PCDHB14: variants seen among roughly 807,000 people sequenced by gnomAD.
PCDHB14 encodes the protein protocadherin beta 14, also known as protocadherin beta-14.
For missense variants in PCDHB14, 1,129 were observed against 1,000.5 expected, an observed-to-expected ratio of 1.13 and a Z score of -1.73; for synonymous variants, 511 against 441.5, an observed-to-expected ratio of 1.16 and a Z score of -1.97.
Position 141,223,372 on chromosome 5 carries a change from G to A in PCDHB14, c.-134G>A, listed in dbSNP as rs566736643. 3 of 654,236 alleles carry A rather than the reference G, an allele frequency of 4.6e-6. No individual in the cohort carries two copies. The highest frequency in any genetic ancestry group is 5.4e-5 in the East Asian group (2 of 37,342). The allele number at this position is 654,236 out of a possible 1,614,324, so 40.5% of individuals were successfully genotyped here. Reference sequence around the variant, plus strand: ...AGCATCCAACCCACTGAAAAGACAGGCATTAAAGGAGCTTCGCCTACAGAG... The same window carrying A: ...AGCATCCAACCCACTGAAAAGACAGACATTAAAGGAGCTTCGCCTACAGAG... On this transcript the variant is annotated 5_prime_UTR_variant, in exon 1 of 1. Coordinates refer to ENST00000239449, the MANE Select transcript of PCDHB14 (RefSeq NM_018934.4).
Position 141,225,874 on chromosome 5 carries a change from G to A in PCDHB14, c.2369G>A (p.Arg790Gln). 6.2e-7 allele frequency: 1 copy of A among 1,613,702 alleles called. No individual in the cohort carries two copies. The highest frequency in any genetic ancestry group is 8.5e-7 in the Non-Finnish European group (1 of 1,179,830). The change falls in exon 1 of 1, where the codon CGA becomes CAA. Residue 790 changes from arginine (R) to glutamine (Q), a missense_variant. Coordinates refer to ENST00000239449, the MANE Select transcript of PCDHB14 (RefSeq NM_018934.4). ...GRNMGEIENFRNSFGLNIQ is the reference protein window; with the variant it reads ...GRNMGEIENFQNSFGLNIQ ...AATATGGGGGAAATCGAGAACTTTC[G>A]AAATAGCTTTGGACTTAACATTCAA...
Position 141,224,262 on chromosome 5 carries a change from G to A in PCDHB14, c.757G>A (p.Glu253Lys). Residue 253 changes from glutamate (E) to lysine (K), a missense_variant, in exon 1 of 1, where the codon GAG (glutamate) becomes AAG (lysine). Coordinates refer to ENST00000239449, the MANE Select transcript of PCDHB14 (RefSeq NM_018934.4). ...GAGTCTCTATGAGGTGCAAGTCCCC[G>A]AGGACAGACCCCTTGGCTCCTGGAT... is the stretch of plus-strand genomic sequence containing the variant. ...PQSLYEVQVP[E>K]DRPLGSWIAT... is the part of the protein sequence containing the mutation. 1.9e-6 allele frequency: 3 copies of A among 1,613,946 alleles called. No homozygotes were observed. The highest frequency in any genetic ancestry group is 2.5e-6 in the Non-Finnish European group (3 of 1,179,946).
Position 141,225,787 on chromosome 5 carries a change from C to G in PCDHB14, c.2282C>G (p.Thr761Arg). Residue 761 changes from threonine to arginine, a missense_variant, in exon 1 of 1, where the codon ACA becomes AGA. Coordinates refer to ENST00000239449, the MANE Select transcript of PCDHB14 (RefSeq NM_018934.4). ...GTGTGTCTGACAGGAGGTTCCGGGA[C>G]AAATGAGTTCAAATTTCTGAAGCCG... ...YEVCLTGGSG[T>R]NEFKFLKPII... The G allele has an allele frequency of 6.2e-7, 1 of 1,614,198 alleles. No individual in the cohort carries two copies. Among genetic ancestry groups the G allele is most frequent in the Non-Finnish European group, 8.5e-7 (1 of 1,180,040 alleles).
Position 141,223,762 on chromosome 5 carries a change from T to C in PCDHB14, c.257T>C (p.Leu86Pro). The change falls in exon 1 of 1, where the codon CTA becomes CCA. Residue 86 changes from leucine to proline, a missense_variant. Coordinates refer to ENST00000239449, the MANE Select transcript of PCDHB14 (RefSeq NM_018934.4). ...GATTTGCTGACTGGGAATTTGCTCCTAAATGAGAAACTAGACCGAGACGAG... is the reference window on the plus strand; with the variant it reads ...GATTTGCTGACTGGGAATTTGCTCCCAAATGAGAAACTAGACCGAGACGAG... ...HLDLLTGNLL[L>P]NEKLDRDELC... The C allele has an allele frequency of 6.2e-7, 1 of 1,614,166 alleles. No individual in the cohort carries two copies. Among genetic ancestry groups the C allele is most frequent in the Non-Finnish European group, 8.5e-7 (1 of 1,180,022 alleles).
At position 141,224,975 on chromosome 5, in the gene PCDHB14, G is replaced by C; in HGVS notation, c.1470G>C (p.Leu490=). 6.2e-7 allele frequency: 1 copy of C among 1,612,598 alleles called. No homozygotes were observed. The highest frequency in any genetic ancestry group is 8.5e-7 in the Non-Finnish European group (1 of 1,180,032). The change falls in exon 1 of 1, where the codon CTG becomes CTC. Residue 490 remains leucine (L), a synonymous_variant. Transcript: ENST00000239449. The stretch of plus-strand genomic sequence containing the variant: ...CCAACGCCCAGGTCAACTACTCGCT[G>C]CTGCCGCCCCAGGACCGGCACCTGC... ...SGTNAQVNYS[L]LPPQDRHLPL...
chr5:141,225,083 G>A lies in PCDHB14; in HGVS notation c.1578G>A (p.Glu526=), dbSNP rs782199750. The A allele has an allele frequency of 2.5e-6, 4 of 1,612,334 alleles. No homozygotes were observed. Among genetic ancestry groups the A allele is most frequent in the African/African-American group, 2.7e-5 (2 of 75,016 alleles). Residue 526 remains glutamate (E), a synonymous_variant, in exon 1 of 1, where the codon GAG becomes GAA. Coordinates refer to ENST00000239449, the MANE Select transcript of PCDHB14 (RefSeq NM_018934.4). ...CGCTGGACTACGAGGCCCTACAGGA[G>A]TTCGAGTTTCGCGTGGGCGCCACAG... ...LRSLDYEALQ[E]FEFRVGATDR...
At position 141,224,339 on chromosome 5, in the gene PCDHB14, T is replaced by A; in HGVS notation, c.834T>A (p.Ser278=). The A allele has an allele frequency of 1.2e-6, 2 of 1,612,692 alleles. No individual in the cohort carries two copies. The highest frequency in any genetic ancestry group is 4.5e-5 in the East Asian group (2 of 44,890). The stretch of plus-strand genomic sequence containing the variant: ...ATGCAGGAAACTATGGAAAAATATC[T>A]TACACATTTTTCCATGCATCAGAAG... The part of the protein sequence containing the change: ...DLDAGNYGKI[S]YTFFHASEDI... The change falls in exon 1 of 1, where the codon TCT becomes TCA. Residue 278 remains serine, a synonymous_variant. Transcript: ENST00000239449.
chr5:141,225,917 A>G lies in PCDHB14; in HGVS notation c.*15A>G. 1 of 1,581,402 alleles carries G rather than the reference A, an allele frequency of 6.3e-7. No homozygotes were observed. Among genetic ancestry groups the G allele is most frequent in the Non-Finnish European group, 8.6e-7 (1 of 1,163,072 alleles). ...ACATTCAATAAAACAATTTATTTTA[A>G]ATGTCTAATTTTTGGTTATTCTTGG... is the stretch of plus-strand genomic sequence containing the variant. On this transcript the variant is annotated 3_prime_UTR_variant, in exon 1 of 1. Coordinates refer to ENST00000239449, the MANE Select transcript of PCDHB14 (RefSeq NM_018934.4).
rs1157139664 is a variant in PCDHB14, at chr5:141,225,431, G to A, written c.1926G>A (p.Val642=). The A allele has an allele frequency of 2.5e-6, 4 of 1,604,196 alleles. No individual in the cohort carries two copies. Among genetic ancestry groups the A allele is most frequent in the Non-Finnish European group, 3.4e-6 (4 of 1,179,338 alleles). ...ACGCGGCCAAGCACAGGCTGGTGGT[G>A]CTGGTCAAGGACAATGGCGAGCCTC... ...ERDAAKHRLV[V]LVKDNGEPPR... is the part of the protein sequence containing the mutation. The change falls in exon 1 of 1, where the codon GTG becomes GTA. Residue 642 remains valine, a synonymous_variant. Transcript: ENST00000239449.
At position 141,225,815 on chromosome 5, in the gene PCDHB14, T is replaced by A. The variant is rs1754848378; in HGVS notation, c.2310T>A (p.Ile770=). Residue 770 remains isoleucine (I), a synonymous_variant, in exon 1 of 1, where the codon ATT becomes ATA. Coordinates refer to ENST00000239449, the MANE Select transcript of PCDHB14 (RefSeq NM_018934.4). The part of the protein sequence containing the change: ...GTNEFKFLKP[I]IPNFQVHDTG... The stretch of plus-strand genomic sequence containing the variant: ...ATGAGTTCAAATTTCTGAAGCCGAT[T>A]ATCCCCAATTTTCAAGTTCATGACA... 1 of 1,614,100 alleles carries A rather than the reference T, an allele frequency of 6.2e-7. No individual in the cohort carries two copies. Among genetic ancestry groups the A allele is most frequent in the African/African-American group, 1.3e-5 (1 of 74,946 alleles).
chr5:141,224,566 A>G lies in PCDHB14; in HGVS notation c.1061A>G (p.Lys354Arg). 1 of 1,612,822 alleles carries G rather than the reference A, an allele frequency of 6.2e-7. No individual in the cohort carries two copies. The highest frequency in any genetic ancestry group is 8.5e-7 in the Non-Finnish European group (1 of 1,179,672). Residue 354 changes from lysine to arginine, a missense_variant, in exon 1 of 1, where the codon AAG becomes AGG. By Grantham distance (26) the Lys-to-Arg change is conservative (BLOSUM62 2). Transcript: ENST00000239449. ...PPEVTISSIT[K>R]RIPENASETL... is the part of the protein sequence containing the mutation. ...GAAGTGACCATATCGTCGATTACAA[A>G]GAGAATTCCAGAGAATGCCTCAGAG...
rs781979586 is a variant in PCDHB14 at position 141,225,662 on chromosome 5, G to A, written c.2157G>A (p.Ala719=). Residue 719 remains alanine (A), a synonymous_variant, in exon 1 of 1, where the codon GCG becomes GCA. Coordinates refer to ENST00000239449, the MANE Select transcript of PCDHB14 (RefSeq NM_018934.4). ...VAVRLCRRSR[A]ASVGRCSVPE... The stretch of plus-strand genomic sequence containing the variant: ...TGCGGCTGTGCAGGAGGAGCAGGGC[G>A]GCCTCGGTGGGTCGCTGCTCGGTGC... 42 of 1,613,696 alleles carry A rather than the reference G, an allele frequency of 2.6e-5. No homozygotes were observed. The South Asian group carries it at 4.1e-4, about 16-fold the overall frequency.
rs782178856 is a variant in PCDHB14 at position 141,224,286 on chromosome 5, A to T, written c.781A>T (p.Ile261Phe). The T allele has an allele frequency of 6.1e-5, 98 of 1,613,946 alleles. No homozygotes were observed. In the Admixed American group the frequency reaches 1.6e-3, roughly 26 times the overall value. ...VPEDRPLGSW[I>F]ATISAKDLDA... ...CGAGGACAGACCCCTTGGCTCCTGG[A>T]TTGCCACCATCTCAGCTAAGGATCT... The change falls in exon 1 of 1, where the codon ATT becomes TTT. Residue 261 changes from isoleucine to phenylalanine, a missense_variant. Physicochemically the swap from Ile to Phe is conservative, Grantham distance 21. Coordinates refer to ENST00000239449, the MANE Select transcript of PCDHB14 (RefSeq NM_018934.4).
rs1554289105 is a variant in PCDHB14 at position 141,224,171 on chromosome 5, G to C, written c.666G>C (p.Lys222Asn). Residue 222 changes from lysine to asparagine, a missense_variant, in exon 1 of 1, where the codon AAG becomes AAC. Physicochemically the swap from Lys to Asn is moderately conservative, Grantham distance 94 (BLOSUM62 0). Coordinates refer to ENST00000239449, the MANE Select transcript of PCDHB14 (RefSeq NM_018934.4). ...LTAVDGGSPP[K>N]SGTTLVLIKV... ...CAGTGGATGGTGGATCCCCGCCCAA[G>C]TCTGGGACAACTTTGGTTCTCATCA... 1.9e-6 allele frequency: 3 copies of C among 1,613,956 alleles called. No individual in the cohort carries two copies. The highest frequency in any genetic ancestry group is 2.5e-6 in the Non-Finnish European group (3 of 1,180,042).
At position 141,226,918 on chromosome 5, in the gene PCDHB14, C is replaced by T. The variant is rs531061725; in HGVS notation, c.*1016C>T. 2.7e-4 allele frequency: 41 copies of T among 152,330 alleles called. No individual in the cohort carries two copies. Among genetic ancestry groups the T allele is most frequent in the Admixed American group, 2.5e-3 (38 of 15,304 alleles). The allele number at this position is 152,330 out of a possible 1,614,324, so 9.4% of individuals were successfully genotyped here. On this transcript the variant is annotated 3_prime_UTR_variant, in exon 1 of 1. Coordinates refer to ENST00000239449, the MANE Select transcript of PCDHB14 (RefSeq NM_018934.4). ...GGATCTTGGCTCACTGCAGCCTCGA[C>T]ATCCTGGGCTCAGGCAATCCTCCTG...
At position 141,223,542 on chromosome 5, in the gene PCDHB14, C is replaced by T. The variant is rs782373743; in HGVS notation, c.37C>T (p.Gln13Ter). The change falls in exon 1 of 1, where the codon CAA (glutamine) becomes TAA (stop). Residue 13 changes from glutamine (Q) to a stop codon, truncating the protein, a stop_gained. Transcript: ENST00000239449. LOFTEE classifies it low-confidence loss of function (END_TRUNC). ...AGGGGCACTCGATCTGCGAAAAAGG[C>T]AAGTTCTAATATTCCTTGTTTTGCT... Reference protein sequence around the residue: ...IRGALDLRKRQVLIFLVLLGL... With the variant: ...IRGALDLRKR 9 of 1,613,128 alleles carry T rather than the reference C, an allele frequency of 5.6e-6. No individual in the cohort carries two copies. The South Asian group carries it at 9.9e-5, about 18-fold the overall frequency.
In PCDHB14 at chr5:141,223,813, T is replaced by G. The variant is rs1554289050; in HGVS notation, c.308T>G (p.Val103Gly). The change falls in exon 1 of 1, where the codon GTG (valine) becomes GGG (glycine). Residue 103 changes from valine to glycine, a missense_variant. Coordinates refer to ENST00000239449, the MANE Select transcript of PCDHB14 (RefSeq NM_018934.4). ...DELCGSTEPC[V>G]LHFQVVLENP... The stretch of plus-strand genomic sequence containing the variant: ...CTGTGTGGCTCCACCGAGCCCTGTG[T>G]GCTGCATTTTCAGGTGGTTTTGGAA... 5 of 1,613,674 alleles carry G rather than the reference T, an allele frequency of 3.1e-6. No homozygotes were observed. Among genetic ancestry groups the G allele is most frequent in the Non-Finnish European group, 3.4e-6 (4 of 1,179,886 alleles).
In PCDHB14 at chr5:141,223,398, C is replaced by G. The variant is rs782552715; in HGVS notation, c.-108C>G. 1.2e-4 allele frequency: 93 copies of G among 774,522 alleles called. No homozygotes were observed. Among genetic ancestry groups the G allele is most frequent in the Admixed American group, 5.8e-4 (24 of 41,690 alleles). 48.0% of individuals were successfully genotyped at this position (774,522 alleles called of 1,614,324 possible). ...CATTAAAGGAGCTTCGCCTACAGAG[C>G]TGCTGGAGGATACACTCTCCAGGGG... is the stretch of plus-strand genomic sequence containing the variant. On this transcript the variant is annotated 5_prime_UTR_variant, in exon 1 of 1. Coordinates refer to ENST00000239449, the MANE Select transcript of PCDHB14 (RefSeq NM_018934.4).
In PCDHB14 at chr5:141,225,989, T is replaced by G; in HGVS notation, c.*87T>G. ...ATAATCTTTTGTGGATTCTTGGTTG[T>G]ACTGTAGTTGCATGCATGATTATAG... On this transcript the variant is annotated 3_prime_UTR_variant, in exon 1 of 1. Transcript: ENST00000239449. 8.1e-7 allele frequency: 1 copy of G among 1,228,496 alleles called. No homozygotes were observed. Among genetic ancestry groups the G allele is most frequent in the Non-Finnish European group, 1.1e-6 (1 of 870,000 alleles). 76.1% of individuals were successfully genotyped at this position (1,228,496 alleles called of 1,614,324 possible).
Sources: allele counts gnomAD v4.1 joint callset, GRCh38; gene constraint gnomAD v4.1.1; transcripts MANE v1.5; gene names NCBI Gene and HGNC (gene_info 2026-07-23, HGNC 2026-07-21).